Variants in RAB22A observed in about 807,000 individuals in gnomAD.
The protein encoded by RAB22A is ras-related protein Rab-22A.
RAB22A carries 13 observed loss-of-function variants against 30.2 expected under a neutral mutation model. The ratio of observed to expected loss-of-function variants is 0.43; its 90% CI spans 0.28 to 0.68. The LOEUF is 0.68. Ranked by LOEUF, RAB22A falls within the 30% of genes least tolerant of loss-of-function variation. RAB22A has a pLI of 0.18. For synonymous variants in RAB22A, 89 were observed against 87.2 expected, an observed-to-expected ratio of 1.02 and a Z score of -0.11; for missense variants, 177 against 246.8, an observed-to-expected ratio of 0.72 and a Z score of 1.89.
chr20:58,327,972 A>G (rs1986597813), intron 2 of RAB22A, among the ~76,000 whole-genome samples: 1 of 152,212 alleles, frequency 6.6e-6, no homozygotes, highest in Non-Finnish European at 1.5e-5. Context: ...TATTATCAGG[A>G]CAATTGGCAG....
chr20:58,337,993 A>T (rs990175451), intron 2 of RAB22A, among the ~76,000 whole-genome samples: 1 of 152,068 alleles, frequency 6.6e-6, no homozygotes, highest in Non-Finnish European at 1.5e-5. Context: ...TTAGGAAAGG[A>T]TAAGCTTTTT....
chr20:58,343,502 T>A (rs1405235568), intron 2 of RAB22A, among the ~76,000 whole-genome samples: 1 of 152,126 alleles, frequency 6.6e-6, no homozygotes, highest in Non-Finnish European at 1.5e-5. Context: ...AACCCTTCCT[T>A]CTTGGTGTCG....
In RAB22A at chr20:58,366,249, T is replaced by TC. The variant is rs1367864541; in HGVS notation, c.*6548dup. On this transcript the variant is annotated 3_prime_UTR_variant, in exon 7 of 7. Transcript: ENST00000244040. ...TGTAATCTGCCTTCCCCTGCGGCCT[T>TC]CCGTGGTCACAGCAACAGGGACTGC... 3 of 152,176 alleles carry TC rather than the reference T, an allele frequency of 2.0e-5. No homozygotes were observed. Among genetic ancestry groups the TC allele is most frequent in the African/African-American group, 7.2e-5 (3 of 41,428 alleles). 9.4% of individuals were successfully genotyped at this position (152,176 alleles called of 1,614,324 possible).
rs1366375531 is a variant in RAB22A, at chr20:58,361,814, A to G, written c.*2111A>G. On this transcript the variant is annotated 3_prime_UTR_variant, in exon 7 of 7. Transcript: ENST00000244040. ...CTATGACCTTCACATTTTTTCCACC[A>G]CACCCACCAGTAGCTGTTGGTGATT... 1.3e-5 allele frequency: 2 copies of G among 151,930 alleles called. No homozygotes were observed. The highest frequency in any genetic ancestry group is 2.9e-5 in the Non-Finnish European group (2 of 67,990). 9.4% of individuals were successfully genotyped at this position (151,930 alleles called of 1,614,324 possible). A position where few individuals can be genotyped will look rare whatever the true frequency, so the allele number is the denominator to read the frequency against.
intron 3 of RAB22A, among the ~76,000 whole-genome samples, chr20:58,348,792 TAA>T (rs3069357): frequency 0.033 from 5,016 of 150,070 alleles, 237 homozygotes; most frequent in African/African-American, 0.11. Flanking sequence ...CTGATGAGCT[TAA>T]AAAAAAAAAA....
At chr20:58,351,744 C>T (rs1305206527) in intron 3 of RAB22A, among the ~76,000 whole-genome samples, 2 of 152,168 alleles carry the variant, frequency 1.3e-5, no homozygotes, top group Admixed American at 6.5e-5. Context: ...ACCCGGGAGG[C>T]GGAGGCTGCG....
intron 2 of RAB22A, among the ~76,000 whole-genome samples, chr20:58,330,654 C>T (rs938254550): frequency 1.3e-5 from 2 of 152,164 alleles, no homozygotes; most frequent in African/African-American, 2.4e-5. Context: ...TTTGTTCAGA[C>T]GGTTGTGTTG....
rs1388921168 is a variant in RAB22A, at chr20:58,362,842, G to A, written c.*3139G>A. 1 of 152,234 alleles carries A rather than the reference G, an allele frequency of 6.6e-6. No individual in the cohort carries two copies. Among genetic ancestry groups the A allele is most frequent in the Non-Finnish European group, 1.5e-5 (1 of 68,038 alleles). The allele number at this position is 152,234 out of a possible 1,614,324, so 9.4% of individuals were successfully genotyped here. A position where few individuals can be genotyped will look rare whatever the true frequency, so the allele number is the denominator to read the frequency against. ...CCCATTGTGTACGCACTTTCTGGAT[G>A]TCTGGAAGGATCGGGACTTTTGTGT... On this transcript the variant is annotated 3_prime_UTR_variant, in exon 7 of 7. Transcript: ENST00000244040.
chr20:58,342,212 A>G (rs1413165490), intron 2 of RAB22A, among the ~76,000 whole-genome samples: 1 of 152,232 alleles, frequency 6.6e-6, no homozygotes, highest in African/African-American at 2.4e-5. Context: ...TGATACAATA[A>G]CCATTTATGA....
intron 5 of RAB22A, 111 bp from the exon 6 acceptor site, chr20:58,354,045 G>A (rs1218891944): frequency 3.0e-6 from 2 of 664,120 alleles, no homozygotes; most frequent in Non-Finnish European, 5.1e-6. Flanking sequence ...CCATCCAGCA[G>A]CCATTTAGTC....
intron 6 of RAB22A, 132 bp downstream of exon 6, chr20:58,354,397 A>G (rs1402454339): frequency 1.7e-6 from 1 of 598,468 alleles, no homozygotes; most frequent in Non-Finnish European, 2.8e-6. Flanking sequence ...ATGAAGTTGG[A>G]GAAGGTAAGA....
At chr20:58,311,623 G>C (rs1012378592) in intron 2 of RAB22A, among the ~76,000 whole-genome samples, 1 of 152,192 alleles carries the variant, frequency 6.6e-6, no homozygotes, top group African/African-American at 2.4e-5. Flanking sequence ...GATAAGTAAA[G>C]TTGATTGTTC....
intron 2 of RAB22A, among the ~76,000 whole-genome samples, chr20:58,315,622 A>G (rs942388730): frequency 2.0e-5 from 3 of 152,042 alleles, no homozygotes; most frequent in Non-Finnish European, 2.9e-5. Context: ...GACTCCATAC[A>G]CAGAGTGGGC....
At chr20:58,311,181 T>C (rs1986218981) in intron 2 of RAB22A, 59 bp downstream of exon 2, 64 of 1,439,640 alleles carry the variant, frequency 4.4e-5, no homozygotes, top group Non-Finnish European at 5.9e-5. Context: ...TCCAAATACA[T>C]AGTGTGTTAC....
intron 2 of RAB22A, among the ~76,000 whole-genome samples, chr20:58,342,802 T>G (rs6100029): frequency 0.11 from 17,308 of 152,002 alleles, 1,400 homozygotes; most frequent in African/African-American, 0.23. Context: ...GGCTGCCCTC[T>G]GGGTGAGGGG....
chr20:58,338,442 C>G (rs1362210478), intron 2 of RAB22A, among the ~76,000 whole-genome samples: 1 of 152,170 alleles, frequency 6.6e-6, no homozygotes, highest in Non-Finnish European at 1.5e-5. Context: ...ACCTGTGGAA[C>G]AGTCCGTTGT....
intron 2 of RAB22A, among the ~76,000 whole-genome samples, chr20:58,312,279 C>CTT (rs200841573): frequency 4.5e-5 from 6 of 134,316 alleles, no homozygotes; most frequent in Admixed American, 7.6e-5. Context: ...TTTTTGTCTG[C>CTT]TTTTTTTTTT....
intron 2 of RAB22A, among the ~76,000 whole-genome samples, chr20:58,329,308 A>C (rs1398778959): frequency 6.6e-6 from 1 of 152,060 alleles, no homozygotes; most frequent in Non-Finnish European, 1.5e-5. Context: ...CTGCCTCAGC[A>C]TCCCAAAGTG....
chr20:58,360,229 A>G lies in RAB22A; in HGVS notation c.*526A>G, dbSNP rs539503078. On this transcript the variant is annotated 3_prime_UTR_variant, in exon 7 of 7. Transcript: ENST00000244040. Reference sequence around the variant, plus strand: ...TTATAGGACTGATGGAAATGATTTCATCTCTGCCATCTCTAAAGCACTTTT... The same window carrying G: ...TTATAGGACTGATGGAAATGATTTCGTCTCTGCCATCTCTAAAGCACTTTT... 6.5e-6 allele frequency: 1 copy of G among 152,786 alleles called. No homozygotes were observed. 9.5% of individuals were successfully genotyped at this position (152,786 alleles called of 1,614,324 possible). A position where few individuals can be genotyped will look rare whatever the true frequency, so the allele number is the denominator to read the frequency against.
Sources: gnomAD v4.1 joint callset for allele counts (sites outside exome capture counted in the v4.1 genomes callset) on GRCh38, gnomAD v4.1.1 for gene constraint, MANE v1.5 for transcripts, NCBI Gene and HGNC (gene_info 2026-07-23, HGNC 2026-07-21) for gene names.